Variants in CCDC178 observed in about 807,000 individuals in gnomAD.
CCDC178 encodes coiled-coil domain-containing protein 178.
CCDC178 carries 126 observed loss-of-function variants against 117.4 expected under a neutral mutation model. The ratio of observed to expected loss-of-function variants is 1.07; its 90% confidence interval spans 0.93 to 1.24. CCDC178 has a LOEUF of 1.24. CCDC178 is among the 50% of genes most tolerant of loss of function. CCDC178 has a pLI of 0.00. For synonymous variants in CCDC178, 283 were observed against 313.4 expected (o/e 0.90, Z 1.02); for missense variants, 1,030 against 986.9 (o/e 1.04, Z -0.59).
intron 21 of CCDC178, among the ~76,000 whole-genome samples, chr18:33,012,123 G>A (rs1200720826): frequency 6.6e-6 from 1 of 152,166 alleles, no homozygotes; most frequent in African/African-American, 2.4e-5. Flanking sequence ...GATTCATTTA[G>A]TTTCTTTCAT....
intron 11 of CCDC178, among the ~76,000 whole-genome samples, chr18:33,304,226 T>C (rs1432891478): frequency 1.3e-5 from 2 of 152,208 alleles, no homozygotes; most frequent in Non-Finnish European, 2.9e-5. Context: ...CTGGGTCTTT[T>C]ACCATGACTG....
At chr18:33,059,871 TA>T (rs1250652007) in intron 21 of CCDC178, among the ~76,000 whole-genome samples, 1 of 152,212 alleles carries the variant, frequency 6.6e-6, no homozygotes, top group African/African-American at 2.4e-5. Context: ...GTCTGTGGAA[TA>T]AAATTCAAAG....
At position 33,342,701 on chromosome 18, in the gene CCDC178, T is replaced by C. The variant is rs576863080; in HGVS notation, c.658+3510A>G. Among the ~76,000 whole-genome samples the C allele has an allele frequency of 2.0e-4, 30 of 152,264 alleles. No individual in the cohort carries two copies. In the East Asian group the frequency reaches 2.3e-3, roughly 12 times the overall value. ...AACATACAGCCTTGAGCCAGCGCAA[T>C]TGGATCTGCGGCCTGAAGAAGAGCT... On this transcript the variant is annotated intron_variant, in intron 9 of 22. Transcript: ENST00000383096.
chr18:33,198,911 T>C (rs1364520365), intron 20 of CCDC178, among the ~76,000 whole-genome samples: 3 of 152,172 alleles, frequency 2.0e-5, no homozygotes, highest in Non-Finnish European at 2.9e-5. Flanking sequence ...GTAAGGCTAA[T>C]ATGCTTCTCA....
At chr18:33,388,133 T>C (rs370141375) in intron 5 of CCDC178, among the ~76,000 whole-genome samples, 29 of 152,254 alleles carry the variant, frequency 1.9e-4, no homozygotes, top group African/African-American at 7.0e-4. Flanking sequence ...TCACTGATCA[T>C]TAGAGAAATG....
rs1459759545 is a variant in CCDC178, at chr18:33,224,767, A to G, written c.1818+8T>C. ...GCACATTAATTTTTGGATTAATTAA[A>G]TGCTTACAACAGAATGTTCTTTGTC... is the stretch of plus-strand genomic sequence containing the variant. On this transcript the variant is annotated splice_region_variant and intron_variant, in intron 17 of 22. Transcript: ENST00000383096. The G allele has an allele frequency of 8.2e-6, 12 of 1,463,102 alleles. No homozygotes were observed. The highest frequency in any genetic ancestry group is 9.1e-6 in the Non-Finnish European group (10 of 1,098,416). 90.6% of individuals were successfully genotyped at this position (1,463,102 alleles called of 1,614,324 possible).
intron 6 of CCDC178, among the ~76,000 whole-genome samples, chr18:33,357,975 T>TTATA (rs2063079222): frequency 6.6e-6 from 1 of 152,024 alleles, no homozygotes; most frequent in Admixed American, 6.6e-5. Flanking sequence ...AAGAGTATAT[T>TTATA]TATACAAACC....
At chr18:33,195,607 T>A (rs569382423) in intron 20 of CCDC178, among the ~76,000 whole-genome samples, 7 of 152,268 alleles carry the variant, frequency 4.6e-5, no homozygotes, top group Admixed American at 6.5e-5. Flanking sequence ...TGCATGGATA[T>A]TTTTTCCTCA....
intron 12 of CCDC178, among the ~76,000 whole-genome samples, chr18:33,283,097 C>A (rs1460033610): frequency 6.6e-6 from 1 of 152,178 alleles, no homozygotes; most frequent in Admixed American, 6.5e-5. Flanking sequence ...CACTAGCACT[C>A]TGCTGCAGCT....
At chr18:33,305,120 A>G (rs951988287) in intron 11 of CCDC178, among the ~76,000 whole-genome samples, 1 of 152,162 alleles carries the variant, frequency 6.6e-6, no homozygotes, top group African/African-American at 2.4e-5. Flanking sequence ...CTCTGTAATC[A>G]AACTGGTGAC....
chr18:33,231,794 A>C (rs2059371674), intron 15 of CCDC178, among the ~76,000 whole-genome samples: 1 of 152,150 alleles, frequency 6.6e-6, no homozygotes, highest in Non-Finnish European at 1.5e-5. Context: ...AGCAACACGC[A>C]GATAGCTGCT....
intron 2 of CCDC178, among the ~76,000 whole-genome samples, chr18:33,439,221 A>G (rs1599323546): frequency 6.6e-6 from 1 of 152,370 alleles, no homozygotes; most frequent in East Asian, 1.9e-4. Flanking sequence ...GATAAAAGAA[A>G]GAAGAATATA....
chr18:33,202,035 A>G (rs2058995020), intron 20 of CCDC178, among the ~76,000 whole-genome samples: 1 of 152,100 alleles, frequency 6.6e-6, no homozygotes, highest in Non-Finnish European at 1.5e-5. Flanking sequence ...CTTATACTCC[A>G]TTCTTACTCC....
intron 5 of CCDC178, among the ~76,000 whole-genome samples, chr18:33,378,607 T>A (rs1240500776): frequency 6.6e-6 from 1 of 152,192 alleles, no homozygotes; most frequent in Non-Finnish European, 1.5e-5. Context: ...TGAGGTATAT[T>A]CATTTTATGC....
At chr18:32,974,969 A>G (rs1469707579) in intron 21 of CCDC178, among the ~76,000 whole-genome samples, 1 of 152,160 alleles carries the variant, frequency 6.6e-6, no homozygotes, top group Non-Finnish European at 1.5e-5. Flanking sequence ...GCTGATGAGT[A>G]AAATATTTCT....
intron 20 of CCDC178, among the ~76,000 whole-genome samples, chr18:33,148,965 T>A (rs1278228934): frequency 6.6e-6 from 1 of 152,234 alleles, no homozygotes; most frequent in Non-Finnish European, 1.5e-5. Context: ...AGGAGCTATG[T>A]GTCTGTTTCT....
chr18:33,352,375 CTTTTG>C (rs1279585529), intron 7 of CCDC178, among the ~76,000 whole-genome samples: 1 of 152,018 alleles, frequency 6.6e-6, no homozygotes, highest in Non-Finnish European at 1.5e-5. Context: ...AAAGAAAAAC[CTTTTG>C]TTTTAATTGA....
chr18:33,286,739 A>G (rs536089579), intron 12 of CCDC178, among the ~76,000 whole-genome samples: 9 of 152,306 alleles, frequency 5.9e-5, no homozygotes, highest in African/African-American at 2.2e-4. Context: ...ACTAAAAAAT[A>G]ATTTTGTGTG....
Position 33,223,211 on chromosome 18 carries a change from A to C in CCDC178, c.1827T>G (p.Asn609Lys), listed in dbSNP as rs1568068251. Reference protein sequence around the residue: ...SLDKEHSVMLNNIIDQKDLIR... With the variant: ...SLDKEHSVMLKNIIDQKDLIR... ...TAAGATCTTTCTGATCAATTATATTATTAAGCATCTAGAAGACATTCAGAT... is the reference window on the plus strand; with the variant it reads ...TAAGATCTTTCTGATCAATTATATTCTTAAGCATCTAGAAGACATTCAGAT... The change falls in exon 18 of 23, where the codon AAT becomes AAG. Residue 609 changes from asparagine to lysine, a missense_variant. Transcript: ENST00000383096. 1 of 1,599,102 alleles carries C rather than the reference A, an allele frequency of 6.3e-7. No individual in the cohort carries two copies. Among genetic ancestry groups the C allele is most frequent in the Non-Finnish European group, 8.5e-7 (1 of 1,173,244 alleles).
Sources: gnomAD v4.1 joint callset for allele counts (sites outside exome capture counted in the v4.1 genomes callset) on GRCh38, gnomAD v4.1.1 for gene constraint, MANE v1.5 for transcripts, NCBI Gene and HGNC (gene_info 2026-07-23, HGNC 2026-07-21) for gene names.